RYR2: variants seen among roughly 807,000 people sequenced by gnomAD.
RYR2 encodes ryanodine receptor 2, also known as cardiac muscle ryanodine receptor-calcium release channel.
RYR2 carries 227 observed loss-of-function variants against 601.1 expected under a neutral mutation model. The ratio of observed to expected loss-of-function variants is 0.38; its 90% CI spans 0.34 to 0.42. The LOEUF is 0.42. RYR2 is among the 10% of genes least tolerant of loss of function. RYR2 has a pLI of 1.00. For synonymous variants in RYR2, 2,223 were observed against 2,175.1 expected (o/e 1.02, Z -0.61); for missense variants, 4,646 against 6,156.5 (o/e 0.75, Z 8.21).
intron 100 of RYR2, among the ~76,000 whole-genome samples, chr1:237,812,894 G>GTT (rs34829137): frequency 9.4e-5 from 14 of 148,344 alleles, no homozygotes; most frequent in South Asian, 4.3e-4. Flanking sequence ...AAATGTATAA[G>GTT]TTTTTTTTTT....
intron 2 of RYR2, among the ~76,000 whole-genome samples, chr1:237,287,883 G>A (rs553781805): frequency 1.9e-4 from 29 of 152,266 alleles, no homozygotes; most frequent in Admixed American, 1.2e-3. Flanking sequence ...GTGGTGAAGA[G>A]CCTTGTTTTG....
At chr1:237,712,716 A>C (rs1688947985) in intron 71 of RYR2, among the ~76,000 whole-genome samples, 1 of 152,242 alleles carries the variant, frequency 6.6e-6, no homozygotes, top group African/African-American at 2.4e-5. Context: ...GACGAATTCC[A>C]GGTTCTCACA....
intron 91 of RYR2, among the ~76,000 whole-genome samples, chr1:237,786,865 AG>A (rs1657653425): frequency 6.6e-6 from 1 of 152,166 alleles, no homozygotes. Context: ...TTTTGTAGTC[AG>A]CACTATTCAT....
chr1:237,768,076 A>G (rs1378693748), intron 84 of RYR2, among the ~76,000 whole-genome samples: 1 of 152,188 alleles, frequency 6.6e-6, no homozygotes, highest in Non-Finnish European at 1.5e-5. Context: ...GCCTTTAAAA[A>G]TTTGTTAACT....
At chr1:237,093,402 A>G (rs1213858487) in intron 1 of RYR2, among the ~76,000 whole-genome samples, 1 of 152,216 alleles carries the variant, frequency 6.6e-6, no homozygotes, top group Non-Finnish European at 1.5e-5. Flanking sequence ...TATTCATGAC[A>G]TGGAGCTGCC....
intron 1 of RYR2, chr1:237,267,596 C>A (rs1452754625): frequency 9.4e-6 from 3 of 318,012 alleles, no homozygotes; most frequent in South Asian, 4.5e-5. Flanking sequence ...TTCTGGGTCC[C>A]TTTCTGGGCC....
chr1:237,364,314 C>T (rs770758326), intron 4 of RYR2, 44 bp from the exon 5 acceptor site: 9 of 1,546,624 alleles, frequency 5.8e-6, no homozygotes, highest in South Asian at 1.2e-5. Context: ...TCTTTGAGAT[C>T]GTGTCTATTT....
chr1:237,630,059 A>C (rs1680091647), intron 41 of RYR2, among the ~76,000 whole-genome samples: 1 of 152,186 alleles, frequency 6.6e-6, no homozygotes, highest in Non-Finnish European at 1.5e-5. Flanking sequence ...AACCAAATGA[A>C]AAAGAAAGCC....
intron 8 of RYR2, among the ~76,000 whole-genome samples, chr1:237,383,113 G>T (rs904717605): frequency 6.6e-6 from 1 of 152,042 alleles, no homozygotes; most frequent in Non-Finnish European, 1.5e-5. Flanking sequence ...TTGGTACGAA[G>T]TTTTTGTACC....
chr1:237,447,508 GA>G (rs1324559933), intron 14 of RYR2, among the ~76,000 whole-genome samples: 1 of 152,118 alleles, frequency 6.6e-6, no homozygotes, highest in East Asian at 1.9e-4. Flanking sequence ...CTATTTGAGT[GA>G]AATTCATTTG....
chr1:237,591,623 T>C lies in RYR2; in HGVS notation c.4161-116T>C, dbSNP rs1193846131. The C allele has an allele frequency of 7.9e-6, 6 of 760,080 alleles. No homozygotes were observed. In the South Asian group the frequency reaches 9.2e-5, roughly 12 times the overall value. 47.1% of individuals were successfully genotyped at this position (760,080 alleles called of 1,614,324 possible). A position where few individuals can be genotyped will look rare whatever the true frequency, so the allele number is the denominator to read the frequency against. ...ATGTATTTTCAGATATTCCCAGATGTCCCCCAGGGAGCAAAATCGCCCAGG... is the reference window on the plus strand; with the variant it reads ...ATGTATTTTCAGATATTCCCAGATGCCCCCCAGGGAGCAAAATCGCCCAGG... On this transcript the variant is annotated intron_variant, in intron 31 of 104. Coordinates refer to ENST00000366574, the MANE Select transcript of RYR2 (RefSeq NM_001035.3).
chr1:237,258,978 G>T (rs1046493588), intron 1 of RYR2, among the ~76,000 whole-genome samples: 2 of 151,932 alleles, frequency 1.3e-5, no homozygotes, highest in South Asian at 4.2e-4. Context: ...TGCTTGGCCA[G>T]CTGCCATCTC....
intron 24 of RYR2, among the ~76,000 whole-genome samples, chr1:237,517,003 T>C (rs116467680): frequency 0.031 from 4,696 of 152,274 alleles, 103 homozygotes; most frequent in Non-Finnish European, 0.05. Context: ...TTAAAACTGT[T>C]CAATGGCTTC....
In RYR2 at chr1:237,106,351, G is replaced by A. The variant is rs1049607013; in HGVS notation, c.48+63782G>A. ...GGTGGCAGCAGGGGGAGGTGGCACC[G>A]AGCAGCAGGACCCTGGATATTTTTT... is the stretch of plus-strand genomic sequence containing the variant. On this transcript the variant is annotated intron_variant, in intron 1 of 104. Coordinates refer to ENST00000366574, the MANE Select transcript of RYR2 (RefSeq NM_001035.3). The surrounding 1 kb of genome is among the most constrained non-coding windows in gnomAD (Gnocchi z 4.4). 3.9e-5 allele frequency among the ~76,000 whole-genome samples: 6 copies of A among 152,122 alleles called. No individual in the cohort carries two copies. The highest frequency in any genetic ancestry group is 2.1e-4 in the South Asian group (1 of 4,830).
intron 51 of RYR2, among the ~76,000 whole-genome samples, chr1:237,653,029 A>G (rs1682919086): frequency 6.6e-6 from 1 of 152,244 alleles, no homozygotes; most frequent in South Asian, 2.1e-4. Flanking sequence ...TCATAAGATC[A>G]TTTTATTAAT....
At chr1:237,808,456 T>C (rs1660884242) in intron 99 of RYR2, among the ~76,000 whole-genome samples, 1 of 151,428 alleles carries the variant, frequency 6.6e-6, no homozygotes, top group Admixed American at 6.6e-5. Context: ...AGGTCGGGAG[T>C]TCGAGACCAG....
chr1:237,061,268 C>CTATCATCTATCTATCCATCTAT (rs1553275474), intron 1 of RYR2, among the ~76,000 whole-genome samples: 1 of 88,742 alleles, frequency 1.1e-5, no homozygotes, highest in Non-Finnish European at 2.7e-5. Context: ...ATCTATCTAT[C>CTATCATCTATCTATCCATCTAT]CATCTATCAT....
intron 58 of RYR2, among the ~76,000 whole-genome samples, chr1:237,670,987 A>G (rs1307641358): frequency 3.3e-4 from 50 of 152,182 alleles, no homozygotes; most frequent in Non-Finnish European, 5.9e-5. Flanking sequence ...AGCCAGATCG[A>G]TATTTTCTTT....
intron 1 of RYR2, among the ~76,000 whole-genome samples, chr1:237,147,730 T>C (rs1459744263): frequency 1.3e-5 from 2 of 152,246 alleles, no homozygotes; most frequent in Non-Finnish European, 2.9e-5. Flanking sequence ...ACATTATCCT[T>C]GTGCCTTGAA....
Sources: gnomAD v4.1 joint callset for allele counts (sites outside exome capture counted in the v4.1 genomes callset) on GRCh38, gnomAD v4.1.1 for gene constraint, Gnocchi (gnomAD v3.1) non-coding constraint, MANE v1.5 for transcripts, NCBI Gene and HGNC (gene_info 2026-07-23, HGNC 2026-07-21) for gene names.